Variants in FAR2 observed in about 807,000 individuals in gnomAD.
FAR2 encodes the protein epididymis secretory protein Li 81.
FAR2 carries 19 observed loss-of-function variants against 56.0 expected under a neutral mutation model. The observed-to-expected ratio is 0.34, with a 90% CI of 0.24 to 0.50. The LOEUF (loss-of-function observed/expected upper bound fraction) is 0.50, where lower values mean the gene tolerates loss of function less well. Among genes scored for constraint, FAR2 ranks in the 20% least tolerant of loss-of-function variants. FAR2 has a pLI of 0.98. For synonymous variants in FAR2, 219 were observed against 218.8 expected (o/e 1.00, Z -0.01); for missense variants, 508 against 642.2 (o/e 0.79, Z 2.26).
At chr12:29,309,108 TAA>T (rs1367054448) in intron 5 of FAR2, 76 bp from the exon 6 acceptor site, 87 of 981,500 alleles carry the variant, frequency 8.9e-5, no homozygotes, top group Middle Eastern at 2.1e-4. Flanking sequence ...TGAAATTTAT[TAA>T]GATTAGACTG....
intron 1 of FAR2, among the ~76,000 whole-genome samples, chr12:29,189,296 A>G (rs1344402592): frequency 6.6e-6 from 1 of 152,246 alleles, no homozygotes; most frequent in Non-Finnish European, 1.5e-5. Context: ...AATAATCCAA[A>G]TACTACGTTA....
At chr12:29,244,693 C>T (rs977193696) in intron 1 of FAR2, among the ~76,000 whole-genome samples, 2 of 152,180 alleles carry the variant, frequency 1.3e-5, no homozygotes, top group Admixed American at 6.5e-5. Context: ...TGTTCCCACC[C>T]TAAAGAACCC....
At chr12:29,296,910 G>C in intron 3 of FAR2, 111 bp from the exon 4 acceptor site, 1 of 928,464 alleles carries the variant, frequency 1.1e-6, no homozygotes, top group Non-Finnish European at 1.6e-6. Context: ...TGGTGTTTTG[G>C]TGCGGCCACC....
chr12:29,269,463 G>T (rs529339599), intron 1 of FAR2, among the ~76,000 whole-genome samples: 2 of 152,042 alleles, frequency 1.3e-5, no homozygotes, highest in Non-Finnish European at 2.9e-5. Context: ...TGTACAATTT[G>T]TGCAGTTAAT....
At chr12:29,272,383 C>T in intron 2 of FAR2, among the ~76,000 whole-genome samples, 1 of 152,090 alleles carries the variant, frequency 6.6e-6, no homozygotes, top group East Asian at 1.9e-4. Context: ...GTAAGGTGGT[C>T]TTTAAACTCT....
rs1348998851 is a variant in FAR2 at position 29,236,937 on chromosome 12, A to C, written c.-38-33475A>C. 2.6e-5 allele frequency among the ~76,000 whole-genome samples: 4 copies of C among 152,182 alleles called. No homozygotes were observed. The East Asian group carries it at 7.7e-4, about 29-fold the overall frequency. On this transcript the variant is annotated intron_variant, in intron 1 of 11. Transcript: ENST00000536681. ...CTAGTTAAAGCAAGGTGGCTTGGTC[A>C]TTATAGAAGATATTTCTAATTCTTG...
At chr12:29,237,974 G>A (rs989803419) in intron 1 of FAR2, among the ~76,000 whole-genome samples, 5 of 152,136 alleles carry the variant, frequency 3.3e-5, no homozygotes, top group South Asian at 4.1e-4. Context: ...AATGCACGAT[G>A]TTAAAACATT....
chr12:29,219,138 C>T (rs543165214), intron 1 of FAR2, among the ~76,000 whole-genome samples: 2 of 152,248 alleles, frequency 1.3e-5, no homozygotes, highest in South Asian at 4.1e-4. Flanking sequence ...ATCCACCCAC[C>T]TTTGCCTCCC....
At chr12:29,233,453 G>A (rs754818689) in intron 1 of FAR2, among the ~76,000 whole-genome samples, 2 of 152,128 alleles carry the variant, frequency 1.3e-5, no homozygotes, top group African/African-American at 2.4e-5. Flanking sequence ...GACATCCATT[G>A]CTACCTCAAA....
chr12:29,333,042 ACT>A (rs1475419435), intron 11 of FAR2: 1 of 398,696 alleles, frequency 2.5e-6, no homozygotes, highest in South Asian at 2.0e-5. Context: ...CTTCTACCAC[ACT>A]CTGTCATAAT....
intron 1 of FAR2, among the ~76,000 whole-genome samples, chr12:29,264,870 C>A (rs533437468): frequency 1.3e-5 from 2 of 149,240 alleles, no homozygotes; most frequent in Admixed American, 1.3e-4. Flanking sequence ...AGTAGTATTT[C>A]TATATGCCCA....
chr12:29,179,113 C>G (rs1949967835), intron 1 of FAR2, among the ~76,000 whole-genome samples: 1 of 152,186 alleles, frequency 6.6e-6, no homozygotes, highest in Non-Finnish European at 1.5e-5. Context: ...AGGGCCCACT[C>G]TAAAGACCTC....
At chr12:29,221,147 A>T (rs115302666) in intron 1 of FAR2, among the ~76,000 whole-genome samples, 6,521 of 152,038 alleles carry the variant, frequency 0.043, 359 homozygotes, top group African/African-American at 0.13. Flanking sequence ...TACCCGTAAA[A>T]TCAGCCGCTT....
At chr12:29,264,415 A>G (rs980275671) in intron 1 of FAR2, among the ~76,000 whole-genome samples, 1 of 152,072 alleles carries the variant, frequency 6.6e-6, no homozygotes, top group East Asian at 1.9e-4. Flanking sequence ...CTGGAACACA[A>G]CAAGGATGAC....
intron 1 of FAR2, among the ~76,000 whole-genome samples, chr12:29,243,212 G>T (rs1024933710): frequency 1.2e-4 from 19 of 152,128 alleles, no homozygotes; most frequent in African/African-American, 4.6e-4. Flanking sequence ...TTGGAAGTGG[G>T]GCCAAAATTA....
intron 10 of FAR2, among the ~76,000 whole-genome samples, chr12:29,325,469 A>C (rs1049972672): frequency 3.3e-5 from 5 of 152,138 alleles, no homozygotes; most frequent in Non-Finnish European, 4.4e-5. Flanking sequence ...ACCACACCAC[A>C]CCTATTCCAA....
intron 7 of FAR2, among the ~76,000 whole-genome samples, chr12:29,311,666 T>TCTCTCA (rs1555123662): frequency 1.4e-5 from 2 of 147,426 alleles, no homozygotes; most frequent in African/African-American, 2.5e-5. Context: ...AACATCTCTT[T>TCTCTCA]CACACACACA....
At chr12:29,225,262 C>G (rs2136643673) in intron 1 of FAR2, among the ~76,000 whole-genome samples, 1 of 152,146 alleles carries the variant, frequency 6.6e-6, no homozygotes, top group African/African-American at 2.4e-5. Flanking sequence ...ATATGAAAAG[C>G]AGTTAGTTAA....
intron 1 of FAR2, among the ~76,000 whole-genome samples, chr12:29,225,797 CT>C (rs1268420785): frequency 6.6e-6 from 1 of 152,168 alleles, no homozygotes; most frequent in African/African-American, 2.4e-5. Flanking sequence ...AAAGCCTCAC[CT>C]TTTTTCAATT....
Sources: allele counts gnomAD v4.1 joint callset (sites outside exome capture counted in the v4.1 genomes callset), GRCh38; gene constraint gnomAD v4.1.1; transcripts MANE v1.5; gene names NCBI Gene and HGNC (gene_info 2026-07-23, HGNC 2026-07-21).